ECE2: variants seen among roughly 807,000 people sequenced by gnomAD.
The protein encoded by ECE2 is endothelin-converting enzyme 2.
ECE2 carries 81 observed loss-of-function variants against 100.6 expected under a neutral mutation model. The ratio of observed to expected loss-of-function variants is 0.81; its 90% CI spans 0.67 to 0.97. ECE2 has a LOEUF of 0.97. Among genes scored for constraint, ECE2 ranks in the 50% least tolerant of loss-of-function variants. The pLI, the probability that ECE2 is intolerant of heterozygous loss-of-function variation, is 0.00. For synonymous variants in ECE2, 391 were observed against 391.5 expected (o/e 1.00, Z 0.02); for missense variants, 911 against 988.1 (o/e 0.92, Z 1.05).
Position 184,291,485 on chromosome 3 carries a change from C to T in ECE2, c.2121+46C>T, listed in dbSNP as rs757614127. The T allele has an allele frequency of 3.3e-6, 5 of 1,498,720 alleles. No individual in the cohort carries two copies. Among genetic ancestry groups the T allele is most frequent in the African/African-American group, 1.4e-5 (1 of 71,472 alleles). 92.8% of individuals were successfully genotyped at this position (1,498,720 alleles called of 1,614,324 possible). A position where few individuals can be genotyped will look rare whatever the true frequency, so the allele number is the denominator to read the frequency against. On this transcript the variant is annotated intron_variant, in intron 18 of 18. Transcript: ENST00000404464. The surrounding 1 kb of genome is among the most constrained non-coding windows in gnomAD (Gnocchi z 4.1). ...CTGGGGTCTGCCCCTTTGTCCTGCT[C>T]CCTCCTGAGTATGTCATTAGGAGAA... is the stretch of plus-strand genomic sequence containing the variant.
At position 184,284,970 on chromosome 3, in the gene ECE2, C is replaced by T. The variant is rs757104117; in HGVS notation, c.1013C>T (p.Ala338Val). The change falls in exon 9 of 19, where the codon GCG (alanine) becomes GTG (valine). Residue 338 changes from alanine to valine, a missense_variant. Transcript: ENST00000404464. ...GAGATTTTTTTCTTTCAGGCTCTGG[C>T]GCCCTCCATGGACTGGCTTGAGTTC... The part of the protein sequence containing the change: ...KMSISELQAL[A>V]PSMDWLEFLS... The T allele has an allele frequency of 5.0e-6, 8 of 1,613,254 alleles. No individual in the cohort carries two copies. Among genetic ancestry groups the T allele is most frequent in the Admixed American group, 3.3e-5 (2 of 59,808 alleles).
rs764443817 is a variant in ECE2 at position 184,276,496 on chromosome 3, C to T, written c.55C>T (p.Arg19Trp). ...TGTCTGGCAGATGGTGGAGTACAAACGGGCCACGCTTCGGGATGAAGACGC... is the reference window on the plus strand; with the variant it reads ...TGTCTGGCAGATGGTGGAGTACAAATGGGCCACGCTTCGGGATGAAGACGC... ...GAGSNMVEYKRATLRDEDAPE... is the reference protein window; with the variant it reads ...GAGSNMVEYKWATLRDEDAPE... Residue 19 changes from arginine to tryptophan, a missense_variant, in exon 2 of 19, where the codon CGG becomes TGG. By Grantham distance (101) the Arg-to-Trp change is moderately radical. Coordinates refer to ENST00000404464, the MANE Select transcript of ECE2 (RefSeq NM_001100121.2). The T allele has an allele frequency of 3.7e-6, 6 of 1,610,180 alleles. No homozygotes were observed. The highest frequency in any genetic ancestry group is 2.2e-5 in the East Asian group (1 of 44,796).
rs1721321953 is a variant in ECE2, at chr3:184,291,550, A to T, written c.2121+111A>T. 8.4e-6 allele frequency: 9 copies of T among 1,076,868 alleles called. No homozygotes were observed. The highest frequency in any genetic ancestry group is 1.2e-5 in the Non-Finnish European group (9 of 772,376). 66.7% of individuals were successfully genotyped at this position (1,076,868 alleles called of 1,614,324 possible). On this transcript the variant is annotated intron_variant, in intron 18 of 18. Transcript: ENST00000404464. This position sits in a 1 kb window ranked among gnomAD's most constrained non-coding sequence, Gnocchi z 4.1. ...TCAAACGGGCTGGTGAATGGGGCTGAGGCTGGGGCATGAAAGGTGGGCTGG... is the reference window on the plus strand; with the variant it reads ...TCAAACGGGCTGGTGAATGGGGCTGTGGCTGGGGCATGAAAGGTGGGCTGG...
chr3:184,284,842 C>A, intron 8 of ECE2, 121 bp from the exon 9 acceptor site: 1 of 1,330,524 alleles, frequency 7.5e-7, no homozygotes, highest in Non-Finnish European at 1.0e-6. Context: ...GAAGGATACA[C>A]CATGAAGCCA....
At position 184,283,703 on chromosome 3, in the gene ECE2, G is replaced by A; in HGVS notation, c.817-82G>A. On this transcript the variant is annotated intron_variant, in intron 7 of 18. Transcript: ENST00000404464. ...AGAAGGATCAAGCAGAAGAGATATT[G>A]GGCAGAGGTGGTGGTAAGAACAGAT... The A allele has an allele frequency of 3.5e-6, 5 of 1,415,604 alleles. No individual in the cohort carries two copies. In the South Asian group the frequency reaches 4.0e-5, roughly 11 times the overall value. 87.7% of individuals were successfully genotyped at this position (1,415,604 alleles called of 1,614,324 possible).
chr3:184,280,411 G>A (rs2108420993), intron 7 of ECE2, among the ~76,000 whole-genome samples: 1 of 152,286 alleles, frequency 6.6e-6, no homozygotes, highest in Non-Finnish European at 1.5e-5. Context: ...TCAGAGTGTG[G>A]GAGCTGCTCC....
At position 184,291,066 on chromosome 3, in the gene ECE2, C is replaced by T. The variant is rs760938417; in HGVS notation, c.1861C>T (p.Leu621=). 12 of 1,579,742 alleles carry T rather than the reference C, an allele frequency of 7.6e-6. No individual in the cohort carries two copies. The East Asian group carries it at 1.6e-4, about 21-fold the overall frequency. The change falls in exon 17 of 19, where the codon CTG becomes TTG. Residue 621 remains leucine, a synonymous_variant. Coordinates refer to ENST00000404464, the MANE Select transcript of ECE2 (RefSeq NM_001100121.2). The surrounding 1 kb of genome is among the most constrained non-coding windows in gnomAD (Gnocchi z 4.1). ...GCGCGAGTATGACAAAGAAGGGAAC[C>T]TGCGGCCCTGGTGGCAGAATGAGTC... The part of the protein sequence containing the change: ...QGREYDKEGN[L]RPWWQNESLA...
Position 184,285,112 on chromosome 3 carries a change from G to A in ECE2, c.1148+7G>A, listed in dbSNP as rs906301033. 3.1e-6 allele frequency: 5 copies of A among 1,612,466 alleles called. No homozygotes were observed. In the African/African-American group the frequency reaches 6.7e-5, roughly 22 times the overall value. ...TCAACCGCACGGAACCAAGGTGTGGGGGTAGCCCAGGGTGAGGGTGGGTTC... is the reference window on the plus strand; with the variant it reads ...TCAACCGCACGGAACCAAGGTGTGGAGGTAGCCCAGGGTGAGGGTGGGTTC... On this transcript the variant is annotated splice_region_variant and intron_variant, in intron 9 of 18. Coordinates refer to ENST00000404464, the MANE Select transcript of ECE2 (RefSeq NM_001100121.2).
chr3:184,283,661 C>T, intron 7 of ECE2, 124 bp from the exon 8 acceptor site: 1 of 858,266 alleles, frequency 1.2e-6, no homozygotes, highest in East Asian at 3.0e-5. Context: ...TGAAACAGGT[C>T]ATCCAGAAAG....
chr3:184,279,912 A>T (rs1720747343), intron 7 of ECE2, among the ~76,000 whole-genome samples: 1 of 152,062 alleles, frequency 6.6e-6, no homozygotes, highest in African/African-American at 2.4e-5. Flanking sequence ...TGAAGAGTAG[A>T]TGTGAGAAAG....
chr3:184,291,219 G>T lies in ECE2; in HGVS notation c.2014G>T (p.Ala672Ser). The change falls in exon 17 of 19, where the codon GCT (alanine) becomes TCT (serine). Residue 672 changes from alanine to serine, a missense_variant. Physicochemically the swap from Ala to Ser is moderately conservative, Grantham distance 99. Transcript: ENST00000404464. The surrounding 1 kb of genome is among the most constrained non-coding windows in gnomAD (Gnocchi z 4.1). ...CATTGCTGACAACGGGGGGCTGAAG[G>T]CTGCCTACAATGTGAGTGGCCTGAC... ...ENIADNGGLK[A>S]AYNAYKAWLR... 6.2e-7 allele frequency: 1 copy of T among 1,611,938 alleles called. No homozygotes were observed. The highest frequency in any genetic ancestry group is 8.5e-7 in the Non-Finnish European group (1 of 1,178,898).
In ECE2 at chr3:184,291,174, C is replaced by T. The variant is rs373938914; in HGVS notation, c.1969C>T (p.Arg657Cys). The change falls in exon 17 of 19, where the codon CGC (arginine) becomes TGC (cysteine). Residue 657 changes from arginine to cysteine, a missense_variant. By Grantham distance (180) the Arg-to-Cys change is radical (BLOSUM62 -3). Transcript: ENST00000404464. The surrounding 1 kb of genome is among the most constrained non-coding windows in gnomAD (Gnocchi z 4.1). ...YQVNGERLNG[R>C]QTLGENIADN... ...GGTCAATGGGGAGAGGCTCAACGGC[C>T]GCCAGACGCTGGGGGAGAACATTGC... The T allele has an allele frequency of 1.4e-5, 22 of 1,613,758 alleles. No homozygotes were observed. The highest frequency in any genetic ancestry group is 1.2e-4 in the Admixed American group (7 of 59,888).
At chr3:184,276,343 CG>C in intron 1 of ECE2, 137 bp from the exon 2 acceptor site, 1 of 1,397,486 alleles carries the variant, frequency 7.2e-7, no homozygotes, top group Non-Finnish European at 9.7e-7. Flanking sequence ...ACCCCGGGCC[CG>C]AGAGCAGGGC....
At chr3:184,277,617 C>G (rs147877442) in intron 4 of ECE2, 151 bp downstream of exon 4, 49 of 951,364 alleles carry the variant, frequency 5.2e-5, no homozygotes, top group Middle Eastern at 6.3e-4. Context: ...GAGCAGGGGA[C>G]TATTGAGAAG....
chr3:184,290,186 C>G, intron 13 of ECE2, 69 bp from the exon 14 acceptor site: 1 of 1,294,908 alleles, frequency 7.7e-7, no homozygotes, highest in Non-Finnish European at 1.1e-6. Flanking sequence ...TAATGAGTAG[C>G]CAAACTGGCG....
rs1405244189 is a variant in ECE2, at chr3:184,284,950, T to A, written c.1006-13T>A. Reference sequence around the variant, plus strand: ...GAGTCGGGCAGGCAAGGCCTGAGATTTTTTTCTTTCAGGCTCTGGCGCCCT... The same window carrying A: ...GAGTCGGGCAGGCAAGGCCTGAGATATTTTTCTTTCAGGCTCTGGCGCCCT... On this transcript the variant is annotated splice_polypyrimidine_tract_variant and intron_variant, in intron 8 of 18. Coordinates refer to ENST00000404464, the MANE Select transcript of ECE2 (RefSeq NM_001100121.2). 1.2e-6 allele frequency: 2 copies of A among 1,612,448 alleles called. No individual in the cohort carries two copies. Among genetic ancestry groups the A allele is most frequent in the Non-Finnish European group, 1.7e-6 (2 of 1,179,408 alleles).
rs563877592 is a variant in ECE2, at chr3:184,277,289, C to G, written c.301C>G (p.Arg101Gly). ...CACCTGCCTTACAGAGGCCTGCATT[C>G]GAGTGGCTGGAAAAATCCTGGAGTC... is the stretch of plus-strand genomic sequence containing the variant. ...HSTCLTEACIRVAGKILESLD... is the reference protein window; with the variant it reads ...HSTCLTEACIGVAGKILESLD... The change falls in exon 4 of 19, where the codon CGA becomes GGA. Residue 101 changes from arginine to glycine, a missense_variant. Coordinates refer to ENST00000404464, the MANE Select transcript of ECE2 (RefSeq NM_001100121.2). The G allele has an allele frequency of 1.1e-5, 17 of 1,614,206 alleles. No homozygotes were observed. Among genetic ancestry groups the G allele is most frequent in the Non-Finnish European group, 1.4e-5 (17 of 1,180,038 alleles).
chr3:184,287,551 TG>T (rs1210073701), intron 10 of ECE2, among the ~76,000 whole-genome samples: 2 of 151,944 alleles, frequency 1.3e-5, no homozygotes, highest in Non-Finnish European at 2.9e-5. Context: ...AGAAAATAGC[TG>T]GGTGTGGTGG....
intron 7 of ECE2, among the ~76,000 whole-genome samples, chr3:184,280,363 G>C (rs953375199): frequency 2.6e-5 from 4 of 152,158 alleles, no homozygotes; most frequent in African/African-American, 9.7e-5. Context: ...GTAGGTTAGG[G>C]GTACAAACTT....
Sources: gnomAD v4.1 joint callset for allele counts (sites outside exome capture counted in the v4.1 genomes callset) on GRCh38, gnomAD v4.1.1 for gene constraint, Gnocchi (gnomAD v3.1) non-coding constraint, MANE v1.5 for transcripts, NCBI Gene and HGNC (gene_info 2026-07-23, HGNC 2026-07-21) for gene names.